ATP13A3: variants seen among roughly 807,000 people sequenced by gnomAD.
The protein encoded by ATP13A3 is ATPase 13A3.
In ATP13A3, 59 loss-of-function variants were observed where a neutral mutation model predicts 158.1. That is an observed-to-expected ratio of 0.37 (90% confidence interval 0.30 to 0.46). The LOEUF (loss-of-function observed/expected upper bound fraction) is 0.46, where lower values mean the gene tolerates loss of function less well. Ranked by LOEUF, ATP13A3 falls within the 20% of genes least tolerant of loss-of-function variation. The pLI, the probability that ATP13A3 is intolerant of heterozygous loss-of-function variation, is 1.00. For missense variants in ATP13A3, 1,166 were observed against 1,525.2 expected (o/e 0.76, Z 3.92); for synonymous variants, 491 against 504.3 (o/e 0.97, Z 0.35).
chr3:194,430,146 C>T lies in ATP13A3; in HGVS notation c.2703G>A (p.Ser901=), dbSNP rs552421375. The part of the protein sequence containing the change: ...LKRAHGGISL[S]ELEASVASPF... ...GAGATGCCACTGAAGCTTCGAGCTC[C>T]GATAAGGAAATGCCTCCGTGTGCCC... is the stretch of plus-strand genomic sequence containing the variant. Residue 901 remains serine, a synonymous_variant, in exon 26 of 34, where the codon TCG becomes TCA. Coordinates refer to ENST00000645319, the MANE Select transcript of ATP13A3 (RefSeq NM_001367549.1). The T allele has an allele frequency of 1.6e-5, 26 of 1,613,988 alleles. No individual in the cohort carries two copies. The highest frequency in any genetic ancestry group is 1.5e-4 in the Admixed American group (9 of 60,006).
intron 31 of ATP13A3, among the ~76,000 whole-genome samples, chr3:194,417,514 T>C (rs1715950408): frequency 6.8e-6 from 1 of 146,580 alleles, no homozygotes; most frequent in South Asian, 2.2e-4. Flanking sequence ...GAGAGGGGGG[T>C]AGGAGTCCTA....
rs59967046 is a variant in ATP13A3 at position 194,471,324 on chromosome 3, TAAAAA to T, written c.-46-9093_-46-9089del. Among the ~76,000 whole-genome samples, 200 of 88,106 alleles carry T rather than the reference TAAAAA, an allele frequency of 2.3e-3. 2 individuals carry two copies. The highest frequency in any genetic ancestry group is 6.9e-3 in the African/African-American group (193 of 28,132). 57.8% of individuals were successfully genotyped at this position (88,106 alleles called of 152,430 possible). A position where few individuals can be genotyped will look rare whatever the true frequency, so the allele number is the denominator to read the frequency against. ...TACAGCGTTAAGTAGCAGCAAATTC[TAAAAA>T]AAAAAAAAAAAAAAAAAAGAAAAGA... On this transcript the variant is annotated intron_variant, in intron 2 of 33. Coordinates refer to ENST00000645319, the MANE Select transcript of ATP13A3 (RefSeq NM_001367549.1).
chr3:194,446,183 C>T (rs149883076), intron 14 of ATP13A3, among the ~76,000 whole-genome samples: 72 of 152,214 alleles, frequency 4.7e-4, no homozygotes, highest in African/African-American at 1.7e-3. Flanking sequence ...AGAAATATAG[C>T]ATGTCCTCAA....
At chr3:194,444,808 A>G in intron 14 of ATP13A3, 22 bp from the exon 15 acceptor site, 1 of 1,577,974 alleles carries the variant, frequency 6.3e-7, no homozygotes, top group Non-Finnish European at 8.6e-7. Context: ...AAAAGCACAC[A>G]TGCACAAAGT....
chr3:194,433,495 G>A (rs1020182601), intron 21 of ATP13A3, among the ~76,000 whole-genome samples: 6 of 151,842 alleles, frequency 4.0e-5, no homozygotes, highest in Non-Finnish European at 5.9e-5. Flanking sequence ...CACCCGCCTC[G>A]GCCTCCCAAA....
chr3:194,476,547 G>A (rs1333974433), intron 2 of ATP13A3, among the ~76,000 whole-genome samples: 2 of 151,932 alleles, frequency 1.3e-5, no homozygotes, highest in African/African-American at 2.4e-5. Context: ...ACATCCAACC[G>A]GCCACTCATC....
At chr3:194,454,802 A>C (rs1048235600) in intron 8 of ATP13A3, among the ~76,000 whole-genome samples, 2 of 150,940 alleles carry the variant, frequency 1.3e-5, no homozygotes, top group East Asian at 2.0e-4. Flanking sequence ...GCAGCCTGGG[A>C]GACAGAGCGA....
chr3:194,435,725 A>G (rs1416927126), intron 20 of ATP13A3, among the ~76,000 whole-genome samples: 1 of 152,100 alleles, frequency 6.6e-6, no homozygotes, highest in Non-Finnish European at 1.5e-5. Flanking sequence ...TGGCCAACAT[A>G]GTGAAACCCT....
intron 20 of ATP13A3, among the ~76,000 whole-genome samples, chr3:194,436,682 T>C (rs900960006): frequency 1.3e-5 from 2 of 152,248 alleles, no homozygotes; most frequent in Non-Finnish European, 2.9e-5. Flanking sequence ...CAAAAACCCC[T>C]ACTAAAAATA....
rs1235602497 is a variant in ATP13A3 at position 194,486,823 on chromosome 3, G to A, written c.-346C>T. The A allele has an allele frequency of 1.3e-5, 2 of 151,706 alleles. No individual in the cohort carries two copies. Among genetic ancestry groups the A allele is most frequent in the Admixed American group, 6.6e-5 (1 of 15,226 alleles). 9.4% of individuals were successfully genotyped at this position (151,706 alleles called of 1,614,324 possible). A position where few individuals can be genotyped will look rare whatever the true frequency, so the allele number is the denominator to read the frequency against. On this transcript the variant is annotated 5_prime_UTR_variant, in exon 1 of 34. Coordinates refer to ENST00000645319, the MANE Select transcript of ATP13A3 (RefSeq NM_001367549.1). ...CGCCCGCGGCGGCGGCGTGCAGCCG[G>A]CAGGGCGAGAACAAGGGAGGGCGGC...
At chr3:194,474,360 G>C (rs1226459096) in intron 2 of ATP13A3, among the ~76,000 whole-genome samples, 1 of 152,062 alleles carries the variant, frequency 6.6e-6, no homozygotes, top group Non-Finnish European at 1.5e-5. Context: ...TCTTCATCTT[G>C]CCAGGCTGGT....
At chr3:194,476,454 T>A (rs1720526910) in intron 2 of ATP13A3, among the ~76,000 whole-genome samples, 1 of 152,176 alleles carries the variant, frequency 6.6e-6, no homozygotes, top group Admixed American at 6.6e-5. Flanking sequence ...CAATTCCCCC[T>A]ACTCCTTTAA....
At chr3:194,466,736 A>G (rs1170561236) in intron 2 of ATP13A3, among the ~76,000 whole-genome samples, 1 of 152,230 alleles carries the variant, frequency 6.6e-6, no homozygotes, top group Admixed American at 6.5e-5. Flanking sequence ...CTATAGTCTC[A>G]GCTACTCAGG....
At position 194,437,144 on chromosome 3, in the gene ATP13A3, T is replaced by G; in HGVS notation, c.2071A>C (p.Arg691=). 3.1e-6 allele frequency: 5 copies of G among 1,614,150 alleles called. No homozygotes were observed. The Middle Eastern group carries it at 8.2e-4, about 266-fold the overall frequency. ...QGFRVIALAH[R]KLESKLTWHK... ...CATGTCAGTTTTGACTCCAATTTTC[T>G]GTGTGCAAGAGCAATCACACGGAAG... Residue 691 remains arginine (R), a synonymous_variant, in exon 20 of 34, where the codon AGA becomes CGA. Transcript: ENST00000645319.
chr3:194,463,255 G>GA (rs1719780362), intron 2 of ATP13A3, among the ~76,000 whole-genome samples: 1 of 149,666 alleles, frequency 6.7e-6, no homozygotes, highest in Admixed American at 6.7e-5. Context: ...CTTGTCCAGG[G>GA]AAAAAATTCA....
chr3:194,446,164 G>A (rs1404809166), intron 14 of ATP13A3, among the ~76,000 whole-genome samples: 1 of 152,180 alleles, frequency 6.6e-6, no homozygotes, highest in Non-Finnish European at 1.5e-5. Flanking sequence ...ATTAAAAATT[G>A]AGAAAATAAG....
intron 33 of ATP13A3, among the ~76,000 whole-genome samples, chr3:194,410,309 A>C (rs1715281095): frequency 1.4e-5 from 2 of 140,978 alleles, no homozygotes; most frequent in African/African-American, 2.7e-5. Context: ...AAAAAAAAAA[A>C]AAAAAAAAAA....
At position 194,428,943 on chromosome 3, in the gene ATP13A3, A is replaced by G. The variant is rs908590276; in HGVS notation, c.2875-26T>C. On this transcript the variant is annotated intron_variant, in intron 27 of 33. Transcript: ENST00000645319. ...CTACAGAAGTAATTTTAAAAACATT[A>G]TTAGTTTTTGGGAATTATTTTTATA... is the stretch of plus-strand genomic sequence containing the variant. The G allele has an allele frequency of 5.5e-6, 8 of 1,462,926 alleles. No individual in the cohort carries two copies. In the African/African-American group the frequency reaches 1.1e-4, roughly 21 times the overall value. 90.6% of individuals were successfully genotyped at this position (1,462,926 alleles called of 1,614,324 possible). A position where few individuals can be genotyped will look rare whatever the true frequency, so the allele number is the denominator to read the frequency against.
rs145481694 is a variant in ATP13A3, at chr3:194,440,168, C to T, written c.1710+1143G>A. The stretch of plus-strand genomic sequence containing the variant: ...GGATTTCAAATATGGAAACAAAGGG[C>T]AAACTGAAACCTATGGATGGATACA... On this transcript the variant is annotated intron_variant, in intron 16 of 33. Transcript: ENST00000645319. Among the ~76,000 whole-genome samples the T allele has an allele frequency of 2.5e-3, 373 of 152,198 alleles. 2 individuals carry two copies. The highest frequency in any genetic ancestry group is 0.01 in the Middle Eastern group (3 of 294).
Sources: allele counts gnomAD v4.1 joint callset (sites outside exome capture counted in the v4.1 genomes callset), GRCh38; gene constraint gnomAD v4.1.1; transcripts MANE v1.5; gene names NCBI Gene and HGNC (gene_info 2026-07-23, HGNC 2026-07-21).